PCSK2: variants seen among roughly 807,000 people sequenced by gnomAD.
PCSK2 encodes neuroendocrine convertase 2.
A neutral mutation model predicts 69.7 loss-of-function variants in PCSK2; 14 were observed. The ratio of observed to expected loss-of-function variants is 0.20; its 90% CI spans 0.13 to 0.31. The LOEUF is 0.31. Among genes scored for constraint, PCSK2 ranks in the 10% least tolerant of loss-of-function variants. PCSK2 has a pLI of 1.00. For synonymous variants in PCSK2, 307 were observed against 320.7 expected (o/e 0.96, Z 0.46); for missense variants, 544 against 842.5 (o/e 0.65, Z 4.39).
intron 5 of PCSK2, among the ~76,000 whole-genome samples, chr20:17,388,190 G>A (rs1007133226): frequency 6.6e-6 from 1 of 151,988 alleles, no homozygotes; most frequent in African/African-American, 2.4e-5. Flanking sequence ...GAAGTAGAAA[G>A]AGAACCGACT....
chr20:17,332,331 T>C (rs1281848569), intron 2 of PCSK2, among the ~76,000 whole-genome samples: 1 of 152,118 alleles, frequency 6.6e-6, no homozygotes, highest in Non-Finnish European at 1.5e-5. Flanking sequence ...CAAATACTAT[T>C]TTCTTAGTCC....
chr20:17,296,006 C>T (rs1396802558), intron 2 of PCSK2, among the ~76,000 whole-genome samples: 1 of 152,180 alleles, frequency 6.6e-6, no homozygotes, highest in Non-Finnish European at 1.5e-5. Context: ...ATGCCAGCTT[C>T]TAAGGGTACA....
At chr20:17,382,732 G>A (rs538148698) in intron 5 of PCSK2, among the ~76,000 whole-genome samples, 61 of 152,124 alleles carry the variant, frequency 4.0e-4, no homozygotes, top group South Asian at 8.3e-4. Flanking sequence ...CAGAAAGGTC[G>A]TTACAAAGAA....
rs6044742 is a variant in PCSK2 at position 17,336,443 on chromosome 20, C to T, written c.283-21884C>T. On this transcript the variant is annotated intron_variant, in intron 2 of 11. Transcript: ENST00000262545. ...TCCTGCTTTCCTCCCCAGCACTGTG[C>T]GAATGTCACTGAATGATGGGAGGCT... Among the ~76,000 whole-genome samples, 855 of 152,266 alleles carry T rather than the reference C, an allele frequency of 5.6e-3. 10 individuals carry two copies. Among genetic ancestry groups the T allele is most frequent in the African/African-American group, 0.019 (810 of 41,540 alleles).
chr20:17,385,140 CA>C (rs376224252), intron 5 of PCSK2, among the ~76,000 whole-genome samples: 49 of 152,284 alleles, frequency 3.2e-4, no homozygotes, highest in African/African-American at 1.1e-3. Flanking sequence ...GTAGTTGTGA[CA>C]AAGTCCATAT....
chr20:17,236,310 C>A (rs553118146), intron 1 of PCSK2, among the ~76,000 whole-genome samples: 65 of 151,970 alleles, frequency 4.3e-4, no homozygotes, highest in Admixed American at 7.2e-4. Context: ...TCCTAATATA[C>A]CTCCCTAAAA....
chr20:17,357,050 CTAG>C lies in PCSK2; in HGVS notation c.283-1276_283-1274del, dbSNP rs549843883. Among the ~76,000 whole-genome samples the C allele has an allele frequency of 4.8e-3, 737 of 152,312 alleles. 3 individuals are homozygous for C. The highest frequency in any genetic ancestry group is 0.034 in the East Asian group (177 of 5,184). ...GGGCTACAAAATATAATAGTAATAT[CTAG>C]CAGCACCCTTTTATATATGTGCATA... On this transcript the variant is annotated intron_variant, in intron 2 of 11. Coordinates refer to ENST00000262545, the MANE Select transcript of PCSK2 (RefSeq NM_002594.5).
intron 2 of PCSK2, among the ~76,000 whole-genome samples, chr20:17,291,555 C>G (rs190892270): frequency 3.5e-4 from 54 of 152,154 alleles, no homozygotes; most frequent in Admixed American, 3.5e-3. Flanking sequence ...AAGATAAATT[C>G]CCAGAAATAG....
intron 6 of PCSK2, among the ~76,000 whole-genome samples, chr20:17,416,426 C>T (rs1290400612): frequency 6.6e-6 from 1 of 152,188 alleles, no homozygotes; most frequent in East Asian, 1.9e-4. Context: ...AAAAAATGCT[C>T]ATCATCATTG....
chr20:17,454,091 C>A, intron 9 of PCSK2, 134 bp downstream of exon 9: 2 of 1,261,942 alleles, frequency 1.6e-6, no homozygotes, highest in Non-Finnish European at 2.2e-6. Flanking sequence ...GAAGGGAAGA[C>A]CCCTTTTCTC....
In PCSK2 at chr20:17,368,744, C is replaced by T. The variant is rs191128810; in HGVS notation, c.506-496C>T. On this transcript the variant is annotated intron_variant, in intron 4 of 11. Coordinates refer to ENST00000262545, the MANE Select transcript of PCSK2 (RefSeq NM_002594.5). ...GAAAGCCACATTCTGAGGAGACAAG[C>T]CTCAGCTCCCAACCAGCAACACCTC... Among the ~76,000 whole-genome samples the T allele has an allele frequency of 4.6e-3, 693 of 152,280 alleles. 4 individuals are homozygous for T. The highest frequency in any genetic ancestry group is 7.8e-3 in the Admixed American group (120 of 15,306).
At chr20:17,358,797 G>C (rs2030294748) in intron 3 of PCSK2, among the ~76,000 whole-genome samples, 1 of 152,210 alleles carries the variant, frequency 6.6e-6, no homozygotes, top group Non-Finnish European at 1.5e-5. Flanking sequence ...TCAACAGACA[G>C]AGTAACAGGG....
rs75015223 is a variant in PCSK2, at chr20:17,338,502, T to C, written c.283-19825T>C. Among the ~76,000 whole-genome samples, 633 of 148,364 alleles carry C rather than the reference T, an allele frequency of 4.3e-3. 1 individual carries two copies. The highest frequency in any genetic ancestry group is 0.022 in the East Asian group (93 of 4,198). ...GAGCCACCGTGCCCAGCTAACCTTA[T>C]GTTTTTAAAATTGTTGTTGTTGGTT... On this transcript the variant is annotated intron_variant, in intron 2 of 11. Coordinates refer to ENST00000262545, the MANE Select transcript of PCSK2 (RefSeq NM_002594.5).
chr20:17,458,304 A>T (rs568147929), intron 10 of PCSK2, among the ~76,000 whole-genome samples: 33 of 152,300 alleles, frequency 2.2e-4, no homozygotes, highest in African/African-American at 7.7e-4. Flanking sequence ...GAAACAAGTT[A>T]GGGATGGGGA....
intron 1 of PCSK2, among the ~76,000 whole-genome samples, chr20:17,241,074 A>T (rs757305754): frequency 2.0e-5 from 3 of 152,216 alleles, no homozygotes; most frequent in Non-Finnish European, 4.4e-5. Flanking sequence ...TGCTCCATGT[A>T]AACAAGTCCA....
At chr20:17,336,285 A>G (rs6034799) in intron 2 of PCSK2, among the ~76,000 whole-genome samples, 128,806 of 152,138 alleles carry the variant, frequency 0.85, 55,010 homozygotes, top group East Asian at 1. Context: ...ACAGGTATAC[A>G]CCATCCTTTC....
At chr20:17,381,946 C>T (rs140089966) in intron 5 of PCSK2, among the ~76,000 whole-genome samples, 3 of 152,236 alleles carry the variant, frequency 2.0e-5, no homozygotes, top group African/African-American at 4.8e-5. Context: ...AGGCACTTTA[C>T]CAACAAAAAA....
At chr20:17,411,697 G>A (rs2031877366) in intron 6 of PCSK2, among the ~76,000 whole-genome samples, 1 of 152,228 alleles carries the variant, frequency 6.6e-6, no homozygotes, top group Non-Finnish European at 1.5e-5. Flanking sequence ...CTCTGAGAAT[G>A]GACAGACTGC....
rs139945659 is a variant in PCSK2, at chr20:17,327,413, G to C, written c.283-30914G>C. Among the ~76,000 whole-genome samples, 215 of 152,226 alleles carry C rather than the reference G, an allele frequency of 1.4e-3. 1 individual carries two copies. The highest frequency in any genetic ancestry group is 4.9e-3 in the African/African-American group (205 of 41,540). On this transcript the variant is annotated intron_variant, in intron 2 of 11. Transcript: ENST00000262545. ...GCAGATGCATTTTCCGAGGGCGCCCGGCCTAACTGTAAGTCTCGTGAAGGC... is the reference window on the plus strand; with the variant it reads ...GCAGATGCATTTTCCGAGGGCGCCCCGCCTAACTGTAAGTCTCGTGAAGGC...
Sources: allele counts gnomAD v4.1 joint callset (sites outside exome capture counted in the v4.1 genomes callset), GRCh38; gene constraint gnomAD v4.1.1; transcripts MANE v1.5; gene names NCBI Gene and HGNC (gene_info 2026-07-23, HGNC 2026-07-21).